The following PPP1R16B variants were observed in gnomAD, a reference collection of about 807,000 sequenced individuals.
The protein encoded by PPP1R16B is protein phosphatase 1 regulatory inhibitor subunit 16B.
Under a neutral mutation model 61.7 loss-of-function variants are expected in PPP1R16B, and 14 were observed. The observed-to-expected ratio is 0.23, with a 90% confidence interval of 0.15 to 0.35. The LOEUF (loss-of-function observed/expected upper bound fraction) is 0.35, where lower values mean the gene tolerates loss of function less well. Ranked by LOEUF, PPP1R16B falls within the 10% of genes least tolerant of loss-of-function variation. The pLI is 1.00. For missense variants in PPP1R16B, 547 were observed against 752.5 expected (o/e 0.73, Z 3.19); for synonymous variants, 266 against 305.3 (o/e 0.87, Z 1.34).
rs527528114 is a variant in PPP1R16B, at chr20:38,820,457, C to T, written c.-102+14665C>T. The stretch of plus-strand genomic sequence containing the variant: ...CCTGTAATCCCAGCTACTCAGGAGG[C>T]TGAGGCAGGAGAATTGCTTGAACCC... On this transcript the variant is annotated intron_variant, in intron 1 of 10. Transcript: ENST00000299824. Among the ~76,000 whole-genome samples, 5 of 152,074 alleles carry T rather than the reference C, an allele frequency of 3.3e-5. No homozygotes were observed. The East Asian group carries it at 9.7e-4, about 30-fold the overall frequency.
intron 4 of PPP1R16B, among the ~76,000 whole-genome samples, chr20:38,899,910 C>A (rs2085378333): frequency 6.6e-6 from 1 of 152,066 alleles, no homozygotes; most frequent in Non-Finnish European, 1.5e-5. Context: ...AATTCTCATG[C>A]CTCAGCCTCC....
intron 1 of PPP1R16B, among the ~76,000 whole-genome samples, chr20:38,818,230 G>A (rs1318636690): frequency 6.6e-6 from 1 of 152,216 alleles, no homozygotes; most frequent in Admixed American, 6.5e-5. Flanking sequence ...GGGTAATGAT[G>A]CCTGTTTCTA....
Position 38,817,889 on chromosome 20 carries a change from A to T in PPP1R16B, c.-102+12097A>T, listed in dbSNP as rs1483842905. Among the ~76,000 whole-genome samples the T allele has an allele frequency of 3.3e-5, 5 of 152,076 alleles. No homozygotes were observed. In the East Asian group the frequency reaches 9.7e-4, roughly 29 times the overall value. On this transcript the variant is annotated intron_variant, in intron 1 of 10. Transcript: ENST00000299824. Reference sequence around the variant, plus strand: ...GAAACCCCGTCTCCACTAAAAATACAAAAAATTAGCCGGGCGTGGTGGCGG... The same window carrying T: ...GAAACCCCGTCTCCACTAAAAATACTAAAAATTAGCCGGGCGTGGTGGCGG...
intron 2 of PPP1R16B, among the ~76,000 whole-genome samples, chr20:38,878,265 T>C (rs1219732988): frequency 1.3e-5 from 2 of 152,170 alleles, no homozygotes; most frequent in Non-Finnish European, 2.9e-5. Flanking sequence ...ATGTCCTATG[T>C]AATACAGGGC....
chr20:38,908,001 C>G (rs940766750), intron 9 of PPP1R16B, 27 bp from the exon 10 acceptor site: 1 of 1,613,962 alleles, frequency 6.2e-7, no homozygotes, highest in Admixed American at 1.7e-5. Context: ...CTGGGTGCAG[C>G]CTCTAGGACC....
At chr20:38,839,340 C>T (rs939930029) in intron 2 of PPP1R16B, among the ~76,000 whole-genome samples, 1 of 152,224 alleles carries the variant, frequency 6.6e-6, no homozygotes, top group Non-Finnish European at 1.5e-5. Flanking sequence ...AGACCTGTAC[C>T]AGCACGGTGA....
At chr20:38,883,685 C>T (rs2085220232) in intron 2 of PPP1R16B, among the ~76,000 whole-genome samples, 1 of 152,228 alleles carries the variant, frequency 6.6e-6, no homozygotes, top group Non-Finnish European at 1.5e-5. Context: ...CTGCCTCTGT[C>T]TTTTACCACC....
chr20:38,859,030 C>T (rs1160951770), intron 2 of PPP1R16B, among the ~76,000 whole-genome samples: 1 of 152,168 alleles, frequency 6.6e-6, no homozygotes, highest in Non-Finnish European at 1.5e-5. Context: ...GCAAATGTCC[C>T]AGGATCCAGG....
rs1456168932 is a variant in PPP1R16B, at chr20:38,919,965, T to A, written c.*1299T>A. 2 of 152,364 alleles carry A rather than the reference T, an allele frequency of 1.3e-5. No homozygotes were observed. The highest frequency in any genetic ancestry group is 2.4e-5 in the African/African-American group (1 of 41,458). The allele number at this position is 152,364 out of a possible 1,614,324, so 9.4% of individuals were successfully genotyped here. ...AGATTTGCCAGTCAGCCCTTTTGAG[T>A]TCCCGCCTCACCCAGGGGCTCCCAG... On this transcript the variant is annotated 3_prime_UTR_variant, in exon 11 of 11. Coordinates refer to ENST00000299824, the MANE Select transcript of PPP1R16B (RefSeq NM_015568.4).
chr20:38,896,857 T>A (rs985344465), intron 4 of PPP1R16B, among the ~76,000 whole-genome samples: 34 of 152,164 alleles, frequency 2.2e-4, no homozygotes, highest in African/African-American at 8.2e-4. Flanking sequence ...TAGAAGTGGA[T>A]TCAGAAAGGC....
rs780281154 is a variant in PPP1R16B, at chr20:38,918,286, G to A, written c.1324G>A (p.Gly442Arg). Residue 442 changes from glycine (G) to arginine (R), a missense_variant, in exon 11 of 11, where the codon GGG becomes AGG. Coordinates refer to ENST00000299824, the MANE Select transcript of PPP1R16B (RefSeq NM_015568.4). The surrounding 1 kb of genome is among the most constrained non-coding windows in gnomAD (Gnocchi z 5.3). The part of the protein sequence containing the change: ...VSAYQYALAN[G>R]DVWKVHEVPD... ...TGCCTACCAGTATGCGCTGGCCAACGGGGATGTCTGGAAGGTGCATGAGGT... is the reference window on the plus strand; with the variant it reads ...TGCCTACCAGTATGCGCTGGCCAACAGGGATGTCTGGAAGGTGCATGAGGT... 2.5e-5 allele frequency: 41 copies of A among 1,614,114 alleles called. No individual in the cohort carries two copies. Among genetic ancestry groups the A allele is most frequent in the Non-Finnish European group, 3.3e-5 (39 of 1,180,044 alleles).
chr20:38,887,615 G>C (rs1230000335), intron 2 of PPP1R16B, among the ~76,000 whole-genome samples: 1 of 152,230 alleles, frequency 6.6e-6, no homozygotes, highest in Non-Finnish European at 1.5e-5. Flanking sequence ...CCAACCACTT[G>C]AAACTGAGCA....
intron 10 of PPP1R16B, among the ~76,000 whole-genome samples, chr20:38,912,887 C>G (rs1465897062): frequency 6.6e-6 from 1 of 152,126 alleles, no homozygotes; most frequent in Non-Finnish European, 1.5e-5. Context: ...TCCTCTGAGA[C>G]AAGGTCTCAC....
rs2085505534 is a variant in PPP1R16B at position 38,913,097 on chromosome 20, C to T, written c.1194+4904C>T. ...TGTTGGCCAGGCTGGTCTCGAACTC[C>T]TGACCTTAAGTGATCCACCTGCCTT... On this transcript the variant is annotated intron_variant, in intron 10 of 10. Transcript: ENST00000299824. 2.0e-5 allele frequency among the ~76,000 whole-genome samples: 3 copies of T among 150,258 alleles called. No individual in the cohort carries two copies. The Admixed American group carries it at 2.0e-4, about 10-fold the overall frequency.
intron 2 of PPP1R16B, among the ~76,000 whole-genome samples, chr20:38,875,388 T>G (rs1321044880): frequency 6.6e-5 from 10 of 152,188 alleles, no homozygotes; most frequent in Non-Finnish European, 1.2e-4. Flanking sequence ...CCAGCTGCCC[T>G]GGTTTCTGCT....
rs146765587 is a variant in PPP1R16B at position 38,846,725 on chromosome 20, G to A, written c.250+10550G>A. On this transcript the variant is annotated intron_variant, in intron 2 of 10. Transcript: ENST00000299824. ...AATGTATAAAAGTATTTGGTTGGCC[G>A]GGCGCTGTGGCTCATGCCTGTAAAT... Among the ~76,000 whole-genome samples the A allele has an allele frequency of 7.6e-3, 1,157 of 152,236 alleles. 6 individuals are homozygous for A. The highest frequency in any genetic ancestry group is 0.013 in the Non-Finnish European group (874 of 68,020).
intron 2 of PPP1R16B, among the ~76,000 whole-genome samples, chr20:38,852,768 T>TTTTTGGG (rs1601257219): frequency 1.6e-5 from 1 of 62,334 alleles, no homozygotes; most frequent in Non-Finnish European, 3.0e-5. Context: ...TTTTTTTTTT[T>TTTTTGGG]GCGGGGGGTG....
chr20:38,864,572 C>G (rs1021048572), intron 2 of PPP1R16B, among the ~76,000 whole-genome samples: 1 of 152,144 alleles, frequency 6.6e-6, no homozygotes, highest in African/African-American at 2.4e-5. Flanking sequence ...AGTTAGCAGA[C>G]CTGGAATTTG....
chr20:38,844,938 C>T (rs772417476), intron 2 of PPP1R16B, among the ~76,000 whole-genome samples: 14 of 152,092 alleles, frequency 9.2e-5, no homozygotes, highest in Non-Finnish European at 1.8e-4. Context: ...TGGGACAATA[C>T]CCTGGGATAG....
Sources: allele counts gnomAD v4.1 joint callset (sites outside exome capture counted in the v4.1 genomes callset), GRCh38; gene constraint gnomAD v4.1.1; non-coding constraint Gnocchi (gnomAD v3.1); transcripts MANE v1.5; gene names NCBI Gene and HGNC (gene_info 2026-07-23, HGNC 2026-07-21).